Variants in ZNF423 observed in about 807,000 individuals in gnomAD.
ZNF423 encodes Ebf-associated zinc finger protein.
In ZNF423, 12 loss-of-function variants were observed where a neutral mutation model predicts 95.8. The ratio of observed to expected loss-of-function variants is 0.13; its 90% confidence interval spans 0.08 to 0.20. The LOEUF is 0.20. ZNF423 is among the 10% of genes least tolerant of loss of function. The pLI is 1.00. For synonymous variants in ZNF423, 749 were observed against 711.9 expected (o/e 1.05, Z -0.83); for missense variants, 1,316 against 1,737.1 (o/e 0.76, Z 4.31).
chr16:49,677,297 A>AGAAGAGAAGGGAAGGGAAGGGAAGG (rs2031127681), intron 3 of ZNF423, among the ~76,000 whole-genome samples: 9 of 78,334 alleles, frequency 1.1e-4, no homozygotes, highest in Non-Finnish European at 1.8e-4. Context: ...AGAAGAGAAG[A>AGAAGAGAAGGGAAGGGAAGGGAAGG]GAAGAGAAGA....
At chr16:49,795,836 C>G (rs752379078) in intron 1 of ZNF423, among the ~76,000 whole-genome samples, 44 of 152,234 alleles carry the variant, frequency 2.9e-4, no homozygotes, top group Non-Finnish European at 5.4e-4. Context: ...CACCCGAACA[C>G]ATCCTGTTAA....
intron 7 of ZNF423, among the ~76,000 whole-genome samples, chr16:49,517,569 T>C (rs1371194679): frequency 6.6e-6 from 1 of 152,218 alleles, no homozygotes; most frequent in Admixed American, 6.5e-5. Context: ...TACAGGTATA[T>C]GGACAAAGCT....
chr16:49,702,271 G>C (rs1366696779), intron 3 of ZNF423, among the ~76,000 whole-genome samples: 1 of 152,184 alleles, frequency 6.6e-6, no homozygotes, highest in African/African-American at 2.4e-5. Flanking sequence ...GTCTCTGAAC[G>C]CTGGAACCGG....
rs1258909727 is a variant in ZNF423 at position 49,488,344 on chromosome 16, C to A, written c.*2931G>T. 1 of 151,156 alleles carries A rather than the reference C, an allele frequency of 6.6e-6. No individual in the cohort carries two copies. Among genetic ancestry groups the A allele is most frequent in the African/African-American group, 2.4e-5 (1 of 41,434 alleles). 9.4% of individuals were successfully genotyped at this position (151,156 alleles called of 1,614,324 possible). A position where few individuals can be genotyped will look rare whatever the true frequency, so the allele number is the denominator to read the frequency against. On this transcript the variant is annotated 3_prime_UTR_variant, in exon 8 of 8. Transcript: ENST00000563137. ...CCTGCCTGCTTCTGGGCACTCTGGGCAGGTGTTCCATGACAGGGGCCTGTG... is the reference window on the plus strand; with the variant it reads ...CCTGCCTGCTTCTGGGCACTCTGGGAAGGTGTTCCATGACAGGGGCCTGTG...
chr16:49,554,504 G>A (rs890841849), intron 5 of ZNF423, among the ~76,000 whole-genome samples: 4 of 152,072 alleles, frequency 2.6e-5, no homozygotes, highest in East Asian at 1.9e-4. Context: ...GCCAAGAATC[G>A]ACTGGGCAGT....
At chr16:49,493,597 G>A (rs547675725) in intron 7 of ZNF423, among the ~76,000 whole-genome samples, 4 of 152,312 alleles carry the variant, frequency 2.6e-5, no homozygotes, top group Non-Finnish European at 4.4e-5. Context: ...GGACAGGGAG[G>A]AGGAAGAGAG....
intron 2 of ZNF423, among the ~76,000 whole-genome samples, chr16:49,771,179 CTTTTTTTTTTTTCTTTTT>C (rs2034026503): frequency 8.2e-6 from 1 of 121,256 alleles, no homozygotes; most frequent in South Asian, 2.6e-4. Flanking sequence ...TCTTGAATTT[CTTTTTTTTTTTTCTTTTT>C]TTTTTTTTTT....
intron 3 of ZNF423, chr16:49,711,379 G>T (rs1355624414): frequency 6.6e-6 from 1 of 152,170 alleles, no homozygotes; most frequent in African/African-American, 2.4e-5. Context: ...TAAGAAGTAG[G>T]GAGATGTACC....
intron 5 of ZNF423, among the ~76,000 whole-genome samples, chr16:49,584,976 C>T (rs1970781070): frequency 1.3e-5 from 2 of 152,068 alleles, no homozygotes; most frequent in African/African-American, 4.8e-5. Flanking sequence ...TCCTCCCCGG[C>T]ACTCACTTCA....
intron 5 of ZNF423, among the ~76,000 whole-genome samples, chr16:49,610,839 ACATT>A (rs1399907622): frequency 5.3e-5 from 8 of 152,034 alleles, no homozygotes; most frequent in Non-Finnish European, 1.2e-4. Flanking sequence ...TATCTTGCAA[ACATT>A]CATTGAAAGA....
At chr16:49,797,620 C>G (rs2034519164) in intron 1 of ZNF423, among the ~76,000 whole-genome samples, 1 of 152,168 alleles carries the variant, frequency 6.6e-6, no homozygotes, top group African/African-American at 2.4e-5. Context: ...CTAAAACCAC[C>G]CAACACCTCC....
At chr16:49,654,731 G>A (rs911140302) in intron 3 of ZNF423, among the ~76,000 whole-genome samples, 9 of 152,212 alleles carry the variant, frequency 5.9e-5, no homozygotes, top group African/African-American at 2.2e-4. Context: ...ATGCACAAAT[G>A]AGAAAGTTAG....
rs1050839057 is a variant in ZNF423, at chr16:49,607,845, G to T, written c.3601+18325C>A. ...TAAGGCCCCACCTGTGGGAATGCGG[G>T]GAGGGGGCTCAAGATGCCCAGTCAG... On this transcript the variant is annotated intron_variant, in intron 5 of 7. Coordinates refer to ENST00000563137, the MANE Select transcript of ZNF423 (RefSeq NM_001379286.1). 5.3e-5 allele frequency among the ~76,000 whole-genome samples: 8 copies of T among 152,320 alleles called. No individual in the cohort carries two copies. The East Asian group carries it at 1.5e-3, about 29-fold the overall frequency.
At chr16:49,715,693 A>G (rs1157495822) in intron 3 of ZNF423, among the ~76,000 whole-genome samples, 1 of 148,024 alleles carries the variant, frequency 6.8e-6, no homozygotes, top group African/African-American at 2.5e-5. Flanking sequence ...TCCAGTGAGC[A>G]ACAATCGTGC....
At chr16:49,697,260 T>G (rs1426595488) in intron 3 of ZNF423, among the ~76,000 whole-genome samples, 2 of 152,102 alleles carry the variant, frequency 1.3e-5, no homozygotes, top group Non-Finnish European at 2.9e-5. Context: ...AGAACTGATG[T>G]CACCTAACCA....
intron 5 of ZNF423, among the ~76,000 whole-genome samples, chr16:49,577,017 TAACTG>T (rs1970520369): frequency 6.6e-6 from 1 of 152,074 alleles, no homozygotes; most frequent in African/African-American, 2.4e-5. Flanking sequence ...AATCTGGAAA[TAACTG>T]AGATGTGCCA....
chr16:49,628,284 C>T (rs1431644944), intron 4 of ZNF423, among the ~76,000 whole-genome samples: 1 of 151,650 alleles, frequency 6.6e-6, no homozygotes, highest in African/African-American at 2.4e-5. Context: ...ATCCACACAT[C>T]TACACACACA....
intron 1 of ZNF423, among the ~76,000 whole-genome samples, chr16:49,817,846 A>C (rs906805516): frequency 1.3e-5 from 2 of 152,010 alleles, no homozygotes; most frequent in African/African-American, 4.8e-5. Flanking sequence ...CCATTTTATC[A>C]ATGAAGAGAA....
At chr16:49,664,097 C>T (rs2030400131) in intron 3 of ZNF423, 8 of 985,502 alleles carry the variant, frequency 8.1e-6, no homozygotes, top group South Asian at 4.7e-5. Context: ...TTACCTTTCC[C>T]CCTGCTCACC....
Sources: gnomAD v4.1 joint callset for allele counts (sites outside exome capture counted in the v4.1 genomes callset) on GRCh38, gnomAD v4.1.1 for gene constraint, MANE v1.5 for transcripts, NCBI Gene and HGNC (gene_info 2026-07-23, HGNC 2026-07-21) for gene names.